Variants in SLC1A7 observed in about 807,000 individuals in gnomAD.
The protein encoded by SLC1A7 is solute carrier family 1 member 7, also known as excitatory amino acid transporter 5.
In SLC1A7, 40 loss-of-function variants were observed where a neutral mutation model predicts 47.7. The observed-to-expected ratio is 0.84, with a 90% confidence interval of 0.65 to 1.09. The LOEUF (loss-of-function observed/expected upper bound fraction) is 1.09. SLC1A7 is among the 50% of genes least tolerant of loss of function. SLC1A7 has a pLI of 0.00. For synonymous variants in SLC1A7, 323 were observed against 325.6 expected (o/e 0.99, Z 0.09); for missense variants, 746 against 769.5 (o/e 0.97, Z 0.36).
intron 2 of SLC1A7, among the ~76,000 whole-genome samples, chr1:53,126,964 G>GCGATCCTCC (rs1644889041): frequency 6.6e-6 from 1 of 151,354 alleles, no homozygotes; most frequent in Non-Finnish European, 1.5e-5. Context: ...CTGGGCTCAA[G>GCGATCCTCC]CGATCCTCCC....
At position 53,114,925 on chromosome 1, in the gene SLC1A7, C is replaced by T. The variant is rs1235535058; in HGVS notation, c.264G>A (p.Leu88=). Residue 88 remains leucine (L), a synonymous_variant, in exon 3 of 11, where the codon CTG becomes CTA. Coordinates refer to ENST00000371494, the MANE Select transcript of SLC1A7 (RefSeq NM_006671.6). The part of the protein sequence containing the change: ...ASLDAKTSSR[L]GVLTVAYYLW... Reference sequence around the variant, plus strand: ...GGTAGTACGCCACGGTGAGGACGCCCAGGCGGCTAGAGGTCTTGGCATCCA... The same window carrying T: ...GGTAGTACGCCACGGTGAGGACGCCTAGGCGGCTAGAGGTCTTGGCATCCA... The T allele has an allele frequency of 5.0e-6, 8 of 1,614,162 alleles. No individual in the cohort carries two copies. The highest frequency in any genetic ancestry group is 1.1e-5 in the South Asian group (1 of 91,082).
chr1:53,103,919 A>G (rs1168631592), intron 4 of SLC1A7, among the ~76,000 whole-genome samples: 1 of 152,050 alleles, frequency 6.6e-6, no homozygotes, highest in African/African-American at 2.4e-5. Flanking sequence ...CCAATCATCC[A>G]GTATCCATCC....
In SLC1A7 at chr1:53,110,377, G is replaced by C. The variant is rs751151987; in HGVS notation, c.431+4381C>G. Among the ~76,000 whole-genome samples the C allele has an allele frequency of 2.8e-4, 43 of 152,270 alleles. No homozygotes were observed. In the Middle Eastern group the frequency reaches 0.01, roughly 36 times the overall value. ...TAGCCCCGCTCTCTGACCAAGAAAC[G>C]GTGAGAGCGAGGCCCAACACCCAGC... is the stretch of plus-strand genomic sequence containing the variant. On this transcript the variant is annotated intron_variant, in intron 3 of 10. Transcript: ENST00000371494.
intron 2 of SLC1A7, among the ~76,000 whole-genome samples, chr1:53,116,785 G>A (rs1644766956): frequency 6.6e-6 from 1 of 152,226 alleles, no homozygotes; most frequent in Non-Finnish European, 1.5e-5. Context: ...GTGCCCGGCT[G>A]GGCCAGAACT....
At chr1:53,089,531 T>C (rs1231318341) in intron 9 of SLC1A7, among the ~76,000 whole-genome samples, 1 of 152,200 alleles carries the variant, frequency 6.6e-6, no homozygotes, top group Non-Finnish European at 1.5e-5. Context: ...TGCCATGGCC[T>C]CTCAAAGTTC....
At chr1:53,108,844 A>G (rs1275737566) in intron 3 of SLC1A7, among the ~76,000 whole-genome samples, 2 of 152,232 alleles carry the variant, frequency 1.3e-5, no homozygotes, top group Non-Finnish European at 2.9e-5. Flanking sequence ...TCTGGCAGCC[A>G]AAAGCAAGTC....
intron 5 of SLC1A7, among the ~76,000 whole-genome samples, chr1:53,098,353 C>T (rs990502831): frequency 6.6e-6 from 1 of 150,510 alleles, no homozygotes; most frequent in Non-Finnish European, 1.5e-5. Context: ...CACTCACACA[C>T]CCCACCTTGG....
chr1:53,142,572 C>T lies in SLC1A7; in HGVS notation c.-123G>A. The T allele has an allele frequency of 2.7e-6, 3 of 1,109,376 alleles. No individual in the cohort carries two copies. The highest frequency in any genetic ancestry group is 2.6e-5 in the East Asian group (1 of 38,024). The allele number at this position is 1,109,376 out of a possible 1,614,324, so 68.7% of individuals were successfully genotyped here. A position where few individuals can be genotyped will look rare whatever the true frequency, so the allele number is the denominator to read the frequency against. ...CAGGCAGGTGGTCGGAGTTGCTAAA[C>T]ACCAGTCGCCAGCCCCACGGCCATG... is the stretch of plus-strand genomic sequence containing the variant. On this transcript the variant is annotated 5_prime_UTR_variant, in exon 1 of 11. Coordinates refer to ENST00000371494, the MANE Select transcript of SLC1A7 (RefSeq NM_006671.6).
intron 3 of SLC1A7, chr1:53,114,525 G>A (rs562688642): frequency 3.7e-5 from 21 of 570,980 alleles, no homozygotes; most frequent in African/African-American, 7.5e-5. Flanking sequence ...TCTGCTCTGC[G>A]CCCATCCACA....
intron 3 of SLC1A7, chr1:53,108,343 A>C: frequency 1.3e-5 from 7 of 556,336 alleles, no homozygotes; most frequent in Non-Finnish European, 2.3e-5. Flanking sequence ...TTATACCTAT[A>C]TAGACATTTC....
chr1:53,103,539 C>T lies in SLC1A7; in HGVS notation c.504G>A (p.Lys168=). The part of the protein sequence containing the change: ...QYRTKTTPVV[K]SPKVAPEEAP... ...CCTCCTCTGGTGCCACCTTGGGGGA[C>T]TTGACAACTGGGGTGGTCTTGGTGC... Residue 168 remains lysine (K), a synonymous_variant, in exon 5 of 11, where the codon AAG becomes AAA. Coordinates refer to ENST00000371494, the MANE Select transcript of SLC1A7 (RefSeq NM_006671.6). 3 of 1,606,912 alleles carry T rather than the reference C, an allele frequency of 1.9e-6. No individual in the cohort carries two copies. Among genetic ancestry groups the T allele is most frequent in the Non-Finnish European group, 2.6e-6 (3 of 1,176,064 alleles).
At chr1:53,115,014 AGG>A in intron 2 of SLC1A7, 41 bp from the exon 3 acceptor site, 1 of 1,535,688 alleles carries the variant, frequency 6.5e-7, no homozygotes, top group Non-Finnish European at 9.0e-7. Context: ...TGGGGAGGCC[AGG>A]GCCTGGCTGG....
chr1:53,134,470 A>G (rs1258459940), intron 1 of SLC1A7, 41 bp from the exon 2 acceptor site: 1 of 1,326,042 alleles, frequency 7.5e-7, no homozygotes, highest in African/African-American at 1.4e-5. Context: ...CAAGAGATGC[A>G]GACTGCACAG....
At chr1:53,129,455 AT>A (rs1288784974) in intron 2 of SLC1A7, among the ~76,000 whole-genome samples, 6,597 of 136,756 alleles carry the variant, frequency 0.048, 25 homozygotes, top group East Asian at 0.074. Flanking sequence ...CCCCCGCCAC[AT>A]TGTGACAGAT....
At chr1:53,099,338 CTG>C (rs1644542663) in intron 5 of SLC1A7, among the ~76,000 whole-genome samples, 2 of 147,658 alleles carry the variant, frequency 1.4e-5, no homozygotes, top group South Asian at 2.2e-4. Flanking sequence ...TACGCTCACA[CTG>C]CCTCAGTACC....
intron 3 of SLC1A7, among the ~76,000 whole-genome samples, chr1:53,106,106 C>T (rs995363505): frequency 5.9e-5 from 9 of 152,100 alleles, no homozygotes; most frequent in East Asian, 5.8e-4. Context: ...GACTGCCCCA[C>T]GAGACCCTGC....
At chr1:53,108,617 C>T in intron 3 of SLC1A7, 1 of 717,938 alleles carries the variant, frequency 1.4e-6, no homozygotes, top group Non-Finnish European at 2.6e-6. Context: ...TCCGTTCCTC[C>T]AACTTTCTTC....
At chr1:53,127,195 G>A (rs1025895891) in intron 2 of SLC1A7, among the ~76,000 whole-genome samples, 1 of 152,128 alleles carries the variant, frequency 6.6e-6, no homozygotes, top group African/African-American at 2.4e-5. Context: ...GAACTCTGCT[G>A]CCGCTGCCCT....
In SLC1A7 at chr1:53,120,736, G is replaced by A. The variant is rs150960827; in HGVS notation, c.216-5763C>T. On this transcript the variant is annotated intron_variant, in intron 2 of 10. Coordinates refer to ENST00000371494, the MANE Select transcript of SLC1A7 (RefSeq NM_006671.6). ...AGCACCCTGCTAGTGGGCTCAACCC[G>A]AATCCCCAGGGCCTGACCCAGCACC... 2.4e-3 allele frequency among the ~76,000 whole-genome samples: 365 copies of A among 152,344 alleles called. 2 individuals are homozygous for A. The highest frequency in any genetic ancestry group is 4.3e-3 in the Non-Finnish European group (290 of 68,034).
Sources: allele counts gnomAD v4.1 joint callset (sites outside exome capture counted in the v4.1 genomes callset), GRCh38; gene constraint gnomAD v4.1.1; transcripts MANE v1.5; gene names NCBI Gene and HGNC (gene_info 2026-07-23, HGNC 2026-07-21).